The following LIMA1 variants were observed in gnomAD, a reference collection of about 807,000 sequenced individuals.
The protein encoded by LIMA1 is LIM domain and actin-binding protein 1.
A neutral mutation model predicts 62.6 loss-of-function variants in LIMA1; 52 were observed. The ratio of observed to expected loss-of-function variants is 0.83; its 90% CI spans 0.67 to 1.05. The LOEUF is 1.05. Ranked by LOEUF, LIMA1 falls within the 50% of genes least tolerant of loss-of-function variation. The probability of loss-of-function intolerance (pLI) is 0.00; values close to 1 mark genes in which losing one functional copy is unlikely to be tolerated. For synonymous variants in LIMA1, 302 were observed against 317.8 expected (o/e 0.95, Z 0.53); for missense variants, 780 against 902.2 (o/e 0.86, Z 1.74).
chr12:50,185,232 G>T (rs1940603588), intron 9 of LIMA1, among the ~76,000 whole-genome samples: 1 of 152,192 alleles, frequency 6.6e-6, no homozygotes, highest in Non-Finnish European at 1.5e-5. Context: ...CATGGGATAA[G>T]AGGAGATGGA....
intron 1 of LIMA1, among the ~76,000 whole-genome samples, chr12:50,267,109 G>C (rs774396028): frequency 6.6e-6 from 1 of 151,174 alleles, no homozygotes; most frequent in Non-Finnish European, 1.5e-5. Flanking sequence ...TAGCTCTGTC[G>C]CCCAGGCTGG....
chr12:50,177,466 C>A lies in LIMA1; in HGVS notation c.1878G>T (p.Val626=), dbSNP rs771683137. Residue 626 remains valine (V), a synonymous_variant, in exon 11 of 11, where the codon GTG becomes GTT. Transcript: ENST00000341247. The part of the protein sequence containing the change: ...WSMSEQSEES[V]GGRVAERKQV... The stretch of plus-strand genomic sequence containing the variant: ...GTTTCCTTTCTGCAACTCTTCCACC[C>A]ACAGACTCTTCACTCTGCTCTGACA... 2 of 1,614,102 alleles carry A rather than the reference C, an allele frequency of 1.2e-6. No individual in the cohort carries two copies. Among genetic ancestry groups the A allele is most frequent in the South Asian group, 2.2e-5 (2 of 91,080 alleles).
At chr12:50,260,208 C>T (rs1431678947) in intron 1 of LIMA1, among the ~76,000 whole-genome samples, 3 of 149,592 alleles carry the variant, frequency 2.0e-5, no homozygotes, top group African/African-American at 2.5e-5. Context: ...AGTGCAATGT[C>T]GCAATCTTGG....
intron 1 of LIMA1, among the ~76,000 whole-genome samples, chr12:50,266,389 T>A (rs1308004215): frequency 6.6e-6 from 1 of 152,264 alleles, no homozygotes; most frequent in African/African-American, 2.4e-5. Context: ...TACAATGGTT[T>A]CATGTTAATG....
chr12:50,199,387 CT>C (rs1265480445), intron 7 of LIMA1, among the ~76,000 whole-genome samples: 2 of 152,142 alleles, frequency 1.3e-5, no homozygotes, highest in African/African-American at 2.4e-5. Context: ...TTCCAAATCT[CT>C]GTTGTATCTG....
intron 10 of LIMA1, 36 bp from the exon 11 acceptor site, chr12:50,178,105 A>G (rs1940397896): frequency 7.2e-7 from 1 of 1,390,760 alleles, no homozygotes; most frequent in Non-Finnish European, 9.4e-7. Context: ...AACTTAGCAA[A>G]TCTTCACATT....
At chr12:50,271,947 A>G (rs1244443324) in intron 1 of LIMA1, among the ~76,000 whole-genome samples, 3 of 152,236 alleles carry the variant, frequency 2.0e-5, no homozygotes, top group Non-Finnish European at 4.4e-5. Flanking sequence ...AAAATAGTTC[A>G]TTAAGGAGCC....
intron 9 of LIMA1, chr12:50,185,326 G>C (rs1038278153): frequency 8.8e-6 from 4 of 455,186 alleles, no homozygotes; most frequent in African/African-American, 2.0e-5. Context: ...ACTGTGGGAG[G>C]GGGAAGCAGC....
chr12:50,194,139 C>A lies in LIMA1; in HGVS notation c.1031-1578G>T, dbSNP rs561606066. 1.0e-4 allele frequency among the ~76,000 whole-genome samples: 15 copies of A among 150,594 alleles called. No homozygotes were observed. The South Asian group carries it at 2.3e-3, about 23-fold the overall frequency. The stretch of plus-strand genomic sequence containing the variant: ...AGTAGCTGGGACTACAGGCACCCAC[C>A]ACCACATCCGGCTAACTTTTTGTGT... On this transcript the variant is annotated intron_variant, in intron 8 of 10. Coordinates refer to ENST00000341247, the MANE Select transcript of LIMA1 (RefSeq NM_016357.5).
chr12:50,249,506 T>C (rs1160749246), intron 1 of LIMA1, among the ~76,000 whole-genome samples: 1 of 152,190 alleles, frequency 6.6e-6, no homozygotes, highest in Non-Finnish European at 1.5e-5. Flanking sequence ...TTTTAAAGCC[T>C]TTATCAAGGA....
rs1565847467 is a variant in LIMA1 at position 50,222,385 on chromosome 12, G to A, written c.266C>T (p.Ser89Phe). ...AATCTCAGTGCTGCTGTTCCGTAGA[G>A]AGTCTGTGTGAGACTCTGCTCCCAG... ...PGLGAESHTDSLRNSSTEIRH... is the reference protein window; with the variant it reads ...PGLGAESHTDFLRNSSTEIRH... Residue 89 changes from serine to phenylalanine, a missense_variant, in exon 4 of 11, where the codon TCT becomes TTT. Transcript: ENST00000341247. The A allele has an allele frequency of 6.2e-7, 1 of 1,614,148 alleles. No individual in the cohort carries two copies. The highest frequency in any genetic ancestry group is 8.5e-7 in the Non-Finnish European group (1 of 1,180,018).
chr12:50,246,218 T>G (rs1592552061), intron 2 of LIMA1, among the ~76,000 whole-genome samples: 2 of 126,068 alleles, frequency 1.6e-5, no homozygotes, highest in African/African-American at 3.1e-5. Flanking sequence ...GGTGACAGAG[T>G]GAGACTCCAT....
chr12:50,234,656 T>A (rs1270052852), intron 2 of LIMA1, among the ~76,000 whole-genome samples: 1 of 152,056 alleles, frequency 6.6e-6, no homozygotes, highest in African/African-American at 2.4e-5. Flanking sequence ...CACTGTCCTC[T>A]GCCTAAAGGT....
In LIMA1 at chr12:50,204,601, G is replaced by A; in HGVS notation, c.815C>T (p.Ala272Val). ...TTTGGACACAGCTGCCTGGTACTTG[G>A]CCATTCGATCCTTTATAGAGGTTTC... ...LSETSIKDRM[A>V]KYQAAVSKQS... is the part of the protein sequence containing the mutation. The change falls in exon 6 of 11, where the codon GCC becomes GTC. Residue 272 changes from alanine (A) to valine (V), a missense_variant. Transcript: ENST00000341247. 1.2e-6 allele frequency: 2 copies of A among 1,614,190 alleles called. No individual in the cohort carries two copies. The highest frequency in any genetic ancestry group is 1.7e-6 in the Non-Finnish European group (2 of 1,180,026).
chr12:50,257,305 T>A (rs966793428), intron 1 of LIMA1, among the ~76,000 whole-genome samples: 1 of 152,166 alleles, frequency 6.6e-6, no homozygotes, highest in Non-Finnish European at 1.5e-5. Flanking sequence ...CCCTATGTTG[T>A]CCAGGCTGGT....
chr12:50,188,196 A>G (rs1940673778), intron 9 of LIMA1: 1 of 152,222 alleles, frequency 6.6e-6, no homozygotes, highest in Non-Finnish European at 1.5e-5. Flanking sequence ...ACAGGCACTA[A>G]GAAACAGTTT....
At chr12:50,187,106 G>C (rs377240765) in intron 9 of LIMA1, 1 of 152,092 alleles carries the variant, frequency 6.6e-6, no homozygotes. Context: ...TGTCTTTCCC[G>C]TTTGAGGGAT....
At chr12:50,260,303 A>G (rs1942049738) in intron 1 of LIMA1, among the ~76,000 whole-genome samples, 1 of 152,056 alleles carries the variant, frequency 6.6e-6, no homozygotes, top group Non-Finnish European at 1.5e-5. Context: ...GCTCACCACC[A>G]TACCCGGCTA....
chr12:50,262,457 T>C (rs1942083354), intron 1 of LIMA1, among the ~76,000 whole-genome samples: 1 of 151,926 alleles, frequency 6.6e-6, no homozygotes, highest in Admixed American at 6.6e-5. Flanking sequence ...GGTTCCCTCA[T>C]CAAATGCTGG....
Sources: allele counts gnomAD v4.1 joint callset (sites outside exome capture counted in the v4.1 genomes callset), GRCh38; gene constraint gnomAD v4.1.1; transcripts MANE v1.5; gene names NCBI Gene and HGNC (gene_info 2026-07-23, HGNC 2026-07-21).